The following KCNN1 variants were observed in gnomAD, a reference collection of about 807,000 sequenced individuals.
KCNN1 encodes potassium calcium-activated channel subfamily N member 1.
A neutral mutation model predicts 44.7 loss-of-function variants in KCNN1; 20 were observed. The ratio of observed to expected loss-of-function variants is 0.45; its 90% CI spans 0.32 to 0.65. KCNN1 has a LOEUF of 0.65. Ranked by LOEUF, KCNN1 falls within the 30% of genes least tolerant of loss-of-function variation. The probability of loss-of-function intolerance (pLI) is 0.05; values close to 1 mark genes in which losing one functional copy is unlikely to be tolerated. For missense variants in KCNN1, 632 were observed against 785.3 expected (o/e 0.80, Z 2.33); for synonymous variants, 324 against 341.7 (o/e 0.95, Z 0.57).
At chr19:17,995,879 C>T (rs2032971394) in intron 9 of KCNN1, among the ~76,000 whole-genome samples, 1 of 152,144 alleles carries the variant, frequency 6.6e-6, no homozygotes, top group Admixed American at 6.6e-5. Context: ...AGCCACTGTG[C>T]CCGGCCTCAT....
chr19:17,964,718 C>T (rs995780972), upstream of KCNN1, among the ~76,000 whole-genome samples: 1 of 152,206 alleles, frequency 6.6e-6, no homozygotes, highest in Non-Finnish European at 1.5e-5. The surrounding 1 kb of genome is among the most constrained non-coding windows in gnomAD (Gnocchi z 4.3). Flanking sequence ...GGTGGGATTC[C>T]AGCAGGTGGC....
In KCNN1 at chr19:17,980,228, A is replaced by ATTTTTTTTTTTTTTTTTTTTTTT. The variant is rs34810089; in HGVS notation, c.499-1472_499-1450dup. Among the ~76,000 whole-genome samples, 14 of 44,538 alleles carry ATTTTTTTTTTTTTTTTTTTTTTT rather than the reference A, an allele frequency of 3.1e-4. 3 individuals carry two copies. Among genetic ancestry groups the ATTTTTTTTTTTTTTTTTTTTTTT allele is most frequent in the East Asian group, 7.2e-4 (1 of 1,394 alleles). The allele number at this position is 44,538 out of a possible 152,430, so 29.2% of individuals were successfully genotyped here. On this transcript the variant is annotated intron_variant, in intron 3 of 9. Transcript: ENST00000684775. ...AGGCACCCGCCACCACACCTAGCTA[A>ATTTTTTTTTTTTTTTTTTTTTTT]TTTTTTTTTTTTTTTTTTTTTTTTT...
chr19:17,965,300 A>G (rs76622968), upstream of KCNN1, among the ~76,000 whole-genome samples: 5,303 of 151,204 alleles, frequency 0.035, 336 homozygotes, highest in African/African-American at 0.12. Context: ...AGAAAAAAGC[A>G]TCTGATGCTA....
chr19:17,969,351 T>G (rs1042195798), intron 1 of KCNN1, among the ~76,000 whole-genome samples: 5 of 152,148 alleles, frequency 3.3e-5, no homozygotes, highest in Non-Finnish European at 5.9e-5. Context: ...TTCTCTGAGC[T>G]CTGTCTCCCG....
At chr19:17,987,107 CT>C (rs1314514359) in intron 5 of KCNN1, among the ~76,000 whole-genome samples, 3 of 150,548 alleles carry the variant, frequency 2.0e-5, no homozygotes, top group East Asian at 3.9e-4. Flanking sequence ...CACGCTGGCC[CT>C]TTTTTTCTTT....
At chr19:17,957,899 G>A (rs567116947) in intron 2 of KCNN1, among the ~76,000 whole-genome samples, 4 of 152,216 alleles carry the variant, frequency 2.6e-5, no homozygotes, top group African/African-American at 9.6e-5. Context: ...GGTTTCAGCT[G>A]GGTTGGTACC....
intron 7 of KCNN1, among the ~76,000 whole-genome samples, chr19:17,990,481 C>CAAA (rs539345774): frequency 1.1e-5 from 1 of 94,712 alleles, no homozygotes; most frequent in African/African-American, 3.9e-5. Context: ...GACCTTGTCT[C>CAAA]AAAAAAAAAA....
chr19:17,959,096 C>A (rs1193821683), intron 2 of KCNN1, among the ~76,000 whole-genome samples: 1 of 151,856 alleles, frequency 6.6e-6, no homozygotes, highest in Non-Finnish European at 1.5e-5. Context: ...CGGCTCACTA[C>A]AACCTCTGCT....
upstream of KCNN1, among the ~76,000 whole-genome samples, chr19:17,965,270 T>C (rs2031771039): frequency 1.5e-5 from 2 of 129,346 alleles, no homozygotes; most frequent in African/African-American, 6.8e-5. Context: ...TGAGACTCTG[T>C]CTCAAAAAAA....
At chr19:17,976,908 G>T (rs1300700855) in intron 3 of KCNN1, among the ~76,000 whole-genome samples, 1 of 151,798 alleles carries the variant, frequency 6.6e-6, no homozygotes, top group South Asian at 2.1e-4. Context: ...TACAGATGGG[G>T]TTTCACCATA....
In KCNN1 at chr19:17,972,438, G is replaced by A. The variant is rs183186803; in HGVS notation, c.-81-1370G>A. Among the ~76,000 whole-genome samples, 21 of 152,300 alleles carry A rather than the reference G, an allele frequency of 1.4e-4. No homozygotes were observed. In the East Asian group the frequency reaches 3.5e-3, roughly 25 times the overall value. On this transcript the variant is annotated intron_variant, in intron 1 of 9. Coordinates refer to ENST00000684775, the MANE Select transcript of KCNN1 (RefSeq NM_001386974.1). ...TTCAAATAGCCTGGCAGGGAAACAG[G>A]CTAGCCTGAGATCATAGAGCCCAGC...
rs374319541 is a variant in KCNN1, at chr19:17,992,936, G to A, written c.1299-118G>A. The A allele has an allele frequency of 1.1e-3, 1,476 of 1,328,106 alleles. 5 individuals are homozygous for A. The highest frequency in any genetic ancestry group is 1.8e-3 in the Middle Eastern group (10 of 5,574). The allele number at this position is 1,328,106 out of a possible 1,614,324, so 82.3% of individuals were successfully genotyped here. ...AGCCCCTCGGCCATCTGGGAACCCC[G>A]CGCGGGGCCCTAGGGTGGCATCCCC... On this transcript the variant is annotated intron_variant, in intron 7 of 9. Coordinates refer to ENST00000684775, the MANE Select transcript of KCNN1 (RefSeq NM_001386974.1).
In KCNN1 at chr19:17,993,581, G is replaced by GGGCCAGACAGGGCAGGT. The variant is rs2032875887; in HGVS notation, c.1377+25_1377+41dup. On this transcript the variant is annotated intron_variant, in intron 9 of 9. Coordinates refer to ENST00000684775, the MANE Select transcript of KCNN1 (RefSeq NM_001386974.1). The surrounding 1 kb of genome is among the most constrained non-coding windows in gnomAD (Gnocchi z 4.5). ...CAAGGTGAGTGGGTTGGGGCAGGGTGGGCCAGACAGGGCAGGTGGGGCCCC... is the reference window on the plus strand; with the variant it reads ...CAAGGTGAGTGGGTTGGGGCAGGGTGGGCCAGACAGGGCAGGTGGCCAGACAGGGCAGGTGGGGCCCC... The GGGCCAGACAGGGCAGGT allele has an allele frequency of 6.2e-7, 1 of 1,610,120 alleles. No individual in the cohort carries two copies. The highest frequency in any genetic ancestry group is 1.3e-5 in the African/African-American group (1 of 74,888).
At position 17,974,526 on chromosome 19, in the gene KCNN1, C is replaced by G. The variant is rs1403754167; in HGVS notation, c.402+236C>G. On this transcript the variant is annotated intron_variant, in intron 2 of 9. Transcript: ENST00000684775. This position sits in a 1 kb window ranked among gnomAD's most constrained non-coding sequence, Gnocchi z 7.3. The stretch of plus-strand genomic sequence containing the variant: ...CTGGCCAGGTGTCAAGGGGCTGCAC[C>G]CTGGCTTAAGGCGGAGGGGGGCTTC... 6.6e-6 allele frequency among the ~76,000 whole-genome samples: 1 copy of G among 152,168 alleles called. No homozygotes were observed. The highest frequency in any genetic ancestry group is 1.9e-4 in the East Asian group (1 of 5,178).
chr19:17,962,777 G>A (rs374750146), upstream of KCNN1, among the ~76,000 whole-genome samples: 1 of 151,454 alleles, frequency 6.6e-6, no homozygotes, highest in Non-Finnish European at 1.5e-5. Context: ...GCGTGACCTC[G>A]GCTCACTGCA....
chr19:17,970,269 A>ACCTG (rs2031965645), intron 1 of KCNN1, among the ~76,000 whole-genome samples: 1 of 125,412 alleles, frequency 8.0e-6, no homozygotes, highest in African/African-American at 3.0e-5. Context: ...TCATGAGGTC[A>ACCTG]CCTGACCATA....
intron 9 of KCNN1, among the ~76,000 whole-genome samples, chr19:17,997,498 G>GGCTT (rs1203394456): frequency 2.0e-5 from 3 of 152,140 alleles, no homozygotes; most frequent in Non-Finnish European, 4.4e-5. Flanking sequence ...CCCTGAGCTT[G>GGCTT]GCTTGCTTGC....
intron 1 of KCNN1, chr19:17,952,158 C>T (rs1290051954): frequency 1.3e-5 from 2 of 152,102 alleles, no homozygotes; most frequent in African/African-American, 4.8e-5. Flanking sequence ...CCTCCCTCGG[C>T]CTGCGGGGTC....
upstream of KCNN1, among the ~76,000 whole-genome samples, chr19:17,963,575 C>T (rs1013508346): frequency 2.6e-5 from 4 of 152,068 alleles, no homozygotes; most frequent in Non-Finnish European, 5.9e-5. Context: ...TTTGTCCTCC[C>T]GAAGTGCTGA....
Sources: allele counts gnomAD v4.1 joint callset (sites outside exome capture counted in the v4.1 genomes callset), GRCh38; gene constraint gnomAD v4.1.1; non-coding constraint Gnocchi (gnomAD v3.1); transcripts MANE v1.5; gene names NCBI Gene and HGNC (gene_info 2026-07-23, HGNC 2026-07-21).